Variants in GUCY1A1 observed in about 807,000 individuals in gnomAD.
GUCY1A1 encodes the protein guanylate cyclase soluble subunit alpha-1.
In GUCY1A1, 48 loss-of-function variants were observed where a neutral mutation model predicts 64.5. That is an observed-to-expected ratio of 0.74 (90% CI 0.59 to 0.95). The LOEUF is 0.95. Ranked by LOEUF, GUCY1A1 falls within the 40% of genes least tolerant of loss-of-function variation. GUCY1A1 has a pLI of 0.00. For missense variants in GUCY1A1, 804 were observed against 825.3 expected (o/e 0.97, Z 0.32); for synonymous variants, 308 against 303.4 (o/e 1.02, Z -0.16).
rs573835216 is a variant in GUCY1A1 at position 155,732,426 on chromosome 4, T to C, written c.*2195T>C. 2.0e-5 allele frequency: 3 copies of C among 153,024 alleles called. No individual in the cohort carries two copies. Among genetic ancestry groups the C allele is most frequent in the South Asian group, 2.1e-4 (1 of 4,762 alleles). The allele number at this position is 153,024 out of a possible 1,614,324, so 9.5% of individuals were successfully genotyped here. On this transcript the variant is annotated 3_prime_UTR_variant, in exon 10 of 10. Transcript: ENST00000506455. The stretch of plus-strand genomic sequence containing the variant: ...AAAGGCCCATTAAATACAGAATAAT[T>C]TGTGGATCTTCAAAGAGGATGAACA...
chr4:155,679,623 A>G (rs1735441303), intron 2 of GUCY1A1, among the ~76,000 whole-genome samples: 1 of 152,190 alleles, frequency 6.6e-6, no homozygotes, highest in South Asian at 2.1e-4. Flanking sequence ...TTCATGAGGG[A>G]TCTGCCCAAT....
intron 3 of GUCY1A1, among the ~76,000 whole-genome samples, chr4:155,703,509 G>T (rs954001706): frequency 3.9e-5 from 6 of 152,196 alleles, no homozygotes; most frequent in Non-Finnish European, 8.8e-5. Flanking sequence ...CTTGGTCCAT[G>T]CTGAGATTGA....
At chr4:155,704,172 T>G (rs1579068957) in intron 4 of GUCY1A1, among the ~76,000 whole-genome samples, 179 bp downstream of exon 4, 1 of 152,228 alleles carries the variant, frequency 6.6e-6, no homozygotes. Context: ...TATCACATTT[T>G]ATAAATGATT....
At position 155,730,289 on chromosome 4, in the gene GUCY1A1, C is replaced by A. The variant is rs1735387656; in HGVS notation, c.*58C>A. On this transcript the variant is annotated 3_prime_UTR_variant, in exon 10 of 10. Coordinates refer to ENST00000506455, the MANE Select transcript of GUCY1A1 (RefSeq NM_001130682.3). ...TTTGACTCATTGAAGATGTGTAGAG[C>A]CTCTGAAAGCACTTTAGGGATTGTA... The A allele has an allele frequency of 9.4e-7, 1 of 1,065,540 alleles. No individual in the cohort carries two copies. The highest frequency in any genetic ancestry group is 1.6e-5 in the African/African-American group (1 of 63,662). The allele number at this position is 1,065,540 out of a possible 1,614,324, so 66.0% of individuals were successfully genotyped here.
At chr4:155,706,601 GT>G in intron 4 of GUCY1A1, among the ~76,000 whole-genome samples, 1 of 151,354 alleles carries the variant, frequency 6.6e-6, no homozygotes, top group South Asian at 2.1e-4. Flanking sequence ...TTCTTGCTTA[GT>G]TTCTTTTTCT....
At chr4:155,727,825 C>T (rs1025830728) in intron 9 of GUCY1A1, among the ~76,000 whole-genome samples, 7 of 151,650 alleles carry the variant, frequency 4.6e-5, no homozygotes, top group Admixed American at 2.0e-4. Flanking sequence ...AATAGAAACT[C>T]TTACATGGTC....
intron 2 of GUCY1A1, chr4:155,668,071 C>G (rs1733609528): frequency 6.6e-6 from 1 of 152,278 alleles, no homozygotes; most frequent in African/African-American, 2.4e-5. Context: ...CTTAGCAGTC[C>G]CATTTCTGTT....
intron 3 of GUCY1A1, among the ~76,000 whole-genome samples, chr4:155,697,379 G>A (rs758015126): frequency 6.6e-6 from 1 of 152,132 alleles, no homozygotes; most frequent in African/African-American, 2.4e-5. Flanking sequence ...TTGGGCAACA[G>A]GCTTAATGCC....
Position 155,730,384 on chromosome 4 carries a change from AT to A in GUCY1A1, c.*154del, listed in dbSNP as rs2110784921. 1.0e-4 allele frequency: 8 copies of A among 78,390 alleles called. No homozygotes were observed. Among genetic ancestry groups the A allele is most frequent in the Middle Eastern group, 8.5e-3 (1 of 118 alleles). The allele number at this position is 78,390 out of a possible 1,614,324, so 4.9% of individuals were successfully genotyped here. On this transcript the variant is annotated 3_prime_UTR_variant, in exon 10 of 10. Coordinates refer to ENST00000506455, the MANE Select transcript of GUCY1A1 (RefSeq NM_001130682.3). ...TCTTTCTCCTGTTTAACATGACAAA[AT>A]GTATGTACTCACTTCAGTACTTCAG...
At chr4:155,701,048 A>G (rs1731016174) in intron 3 of GUCY1A1, among the ~76,000 whole-genome samples, 1 of 151,996 alleles carries the variant, frequency 6.6e-6, no homozygotes, top group South Asian at 2.1e-4. Context: ...TTTATTGTGG[A>G]CTCATATTAT....
intron 2 of GUCY1A1, among the ~76,000 whole-genome samples, chr4:155,677,408 C>T (rs545219491): frequency 1.3e-5 from 2 of 152,282 alleles, no homozygotes; most frequent in South Asian, 4.1e-4. Context: ...CAAAAGTTAG[C>T]CTTCATGACT....
intron 3 of GUCY1A1, among the ~76,000 whole-genome samples, chr4:155,699,693 GT>G (rs921331987): frequency 1.6e-4 from 24 of 152,096 alleles, no homozygotes; most frequent in Admixed American, 1.4e-3. Context: ...TACTTGTTAT[GT>G]TTTTTTACTG....
intron 2 of GUCY1A1, 159 bp downstream of exon 2, chr4:155,667,578 T>C (rs560174092): frequency 1.4e-4 from 21 of 151,916 alleles, no homozygotes; most frequent in African/African-American, 4.3e-4. Context: ...GTTCCCACGC[T>C]GGGGAGGAGC....
chr4:155,726,413 G>T (rs988977739), intron 9 of GUCY1A1, among the ~76,000 whole-genome samples: 2 of 151,780 alleles, frequency 1.3e-5, no homozygotes, highest in Admixed American at 1.3e-4. Context: ...CAACGGTAGG[G>T]GCATAATTTT....
chr4:155,724,949 T>C (rs907324225), intron 9 of GUCY1A1, among the ~76,000 whole-genome samples: 1 of 152,050 alleles, frequency 6.6e-6, no homozygotes, highest in Non-Finnish European at 1.5e-5. Context: ...ACCAATCACC[T>C]TAAAATGATA....
chr4:155,708,331 T>C (rs778259549), intron 5 of GUCY1A1, 37 bp downstream of exon 5: 2 of 1,068,986 alleles, frequency 1.9e-6, no homozygotes, highest in South Asian at 2.6e-5. Context: ...AAGTATGCCA[T>C]ATACCTGTAG....
Position 155,731,380 on chromosome 4 carries a change from C to A in GUCY1A1, c.*1149C>A, listed in dbSNP as rs1237368239. ...TCAAGTTTTTGTCTCATTAAATATA[C>A]ATATATGAAGTGTTTTTATTCTACT... On this transcript the variant is annotated 3_prime_UTR_variant, in exon 10 of 10. Transcript: ENST00000506455. 6.7e-6 allele frequency: 1 copy of A among 149,780 alleles called. No homozygotes were observed. The highest frequency in any genetic ancestry group is 2.4e-5 in the African/African-American group (1 of 40,988). 9.3% of individuals were successfully genotyped at this position (149,780 alleles called of 1,614,324 possible). A position where few individuals can be genotyped will look rare whatever the true frequency, so the allele number is the denominator to read the frequency against.
intron 5 of GUCY1A1, among the ~76,000 whole-genome samples, chr4:155,709,100 A>G (rs1319910157): frequency 6.6e-6 from 1 of 152,218 alleles, no homozygotes; most frequent in East Asian, 1.9e-4. Context: ...ACTACATACA[A>G]CAAGATAAAA....
At chr4:155,697,239 A>C in intron 3 of GUCY1A1, 117 bp downstream of exon 3, 1 of 755,704 alleles carries the variant, frequency 1.3e-6, no homozygotes, top group Non-Finnish European at 2.2e-6. Context: ...ATAAATGTAG[A>C]ATATTTTCTT....
Sources: allele counts gnomAD v4.1 joint callset (sites outside exome capture counted in the v4.1 genomes callset), GRCh38; gene constraint gnomAD v4.1.1; transcripts MANE v1.5; gene names NCBI Gene and HGNC (gene_info 2026-07-23, HGNC 2026-07-21).